Variants in DPP10 observed in about 807,000 individuals in gnomAD.
DPP10 encodes the protein inactive dipeptidyl peptidase 10.
In DPP10, 33 loss-of-function variants were observed where a neutral mutation model predicts 120.9. The ratio of observed to expected loss-of-function variants is 0.27; its 90% CI spans 0.21 to 0.37. The LOEUF is 0.37. DPP10 is among the 10% of genes least tolerant of loss of function. The probability of loss-of-function intolerance (pLI) is 1.00; values close to 1 mark genes in which losing one functional copy is unlikely to be tolerated. For synonymous variants in DPP10, 337 were observed against 326.1 expected, an observed-to-expected ratio of 1.03 and a Z score of -0.36; for missense variants, 816 against 942.8, an observed-to-expected ratio of 0.87 and a Z score of 1.76.
chr2:115,222,435 G>A (rs1040433141), intron 1 of DPP10, among the ~76,000 whole-genome samples: 1 of 152,026 alleles, frequency 6.6e-6, no homozygotes, highest in Non-Finnish European at 1.5e-5. Flanking sequence ...CTGCTTTCCT[G>A]ATAATACATA....
intron 3 of DPP10, among the ~76,000 whole-genome samples, chr2:115,381,837 TG>T (rs961229546): frequency 1.3e-5 from 2 of 151,688 alleles, no homozygotes; most frequent in Non-Finnish European, 2.9e-5. Flanking sequence ...CTGCCCCTGC[TG>T]GGGGGTGCCT....
At chr2:115,633,967 G>T (rs1049839657) in intron 5 of DPP10, among the ~76,000 whole-genome samples, 1 of 152,018 alleles carries the variant, frequency 6.6e-6, no homozygotes, top group Non-Finnish European at 1.5e-5. Flanking sequence ...AGTTCTTGGA[G>T]GTTTTGTTCA....
chr2:114,742,092 T>C (rs1678120555), intron 1 of DPP10, among the ~76,000 whole-genome samples: 1 of 152,158 alleles, frequency 6.6e-6, no homozygotes, highest in African/African-American at 2.4e-5. Context: ...CTGAGAAAAT[T>C]TTAACATTTT....
At chr2:115,212,237 T>C (rs2056562670) in intron 1 of DPP10, among the ~76,000 whole-genome samples, 5 of 152,174 alleles carry the variant, frequency 3.3e-5, no homozygotes, top group Admixed American at 3.3e-4. Context: ...GAATCTGTTA[T>C]GTCATGACCC....
At chr2:114,993,572 G>C (rs1390101458) in intron 1 of DPP10, among the ~76,000 whole-genome samples, 1 of 49,452 alleles carries the variant, frequency 2.0e-5, no homozygotes, top group Non-Finnish European at 4.2e-5. Context: ...TTATGTGTGT[G>C]TGTGTGTGTA....
intron 2 of DPP10, among the ~76,000 whole-genome samples, chr2:115,326,332 G>A (rs2062362662): frequency 1.3e-5 from 2 of 151,982 alleles, no homozygotes; most frequent in South Asian, 2.1e-4. Context: ...GGTGTTTTTG[G>A]TGATGCTGGC....
chr2:115,641,507 A>G (rs958528867), intron 5 of DPP10, among the ~76,000 whole-genome samples: 4 of 151,706 alleles, frequency 2.6e-5, no homozygotes, highest in African/African-American at 9.7e-5. Flanking sequence ...AAACCAGCCT[A>G]CATAAATGAA....
chr2:115,288,834 A>AT (rs2060517225), intron 1 of DPP10, among the ~76,000 whole-genome samples: 1 of 152,288 alleles, frequency 6.6e-6, no homozygotes, highest in Admixed American at 6.5e-5. Flanking sequence ...CACAGCCAAT[A>AT]TAATACTGAA....
intron 5 of DPP10, among the ~76,000 whole-genome samples, chr2:115,594,003 C>G (rs947348967): frequency 1.3e-5 from 2 of 152,134 alleles, no homozygotes; most frequent in African/African-American, 4.8e-5. Context: ...TCTTGAAGTC[C>G]TCAAAAAACT....
intron 2 of DPP10, among the ~76,000 whole-genome samples, chr2:115,332,011 C>G: frequency 6.6e-6 from 1 of 152,142 alleles, no homozygotes; most frequent in East Asian, 1.9e-4. Flanking sequence ...ACCAGCTTCT[C>G]CTTGTACGTC....
intron 3 of DPP10, among the ~76,000 whole-genome samples, chr2:115,379,958 G>A (rs2066167855): frequency 6.6e-6 from 1 of 152,210 alleles, no homozygotes; most frequent in African/African-American, 2.4e-5. Flanking sequence ...TTGCTGTGGA[G>A]AGCTTTACTT....
intron 1 of DPP10, among the ~76,000 whole-genome samples, chr2:115,024,857 A>G (rs1226439334): frequency 1.3e-5 from 2 of 149,062 alleles, no homozygotes; most frequent in Admixed American, 6.7e-5. Flanking sequence ...ATCTATATAT[A>G]TATATATTTG....
intron 3 of DPP10, among the ~76,000 whole-genome samples, chr2:115,386,924 A>C (rs147243278): frequency 6.6e-6 from 1 of 152,044 alleles, no homozygotes; most frequent in Non-Finnish European, 1.5e-5. Context: ...AAACTGTAAG[A>C]ATATTAAAAT....
chr2:114,888,417 G>T (rs1309594501), intron 1 of DPP10, among the ~76,000 whole-genome samples: 7 of 151,990 alleles, frequency 4.6e-5, no homozygotes, highest in Non-Finnish European at 1.0e-4. Context: ...GACACAAAAT[G>T]ACAGTTCTCA....
At chr2:114,501,311 G>A (rs539077175) in intron 1 of DPP10, among the ~76,000 whole-genome samples, 1 of 152,272 alleles carries the variant, frequency 6.6e-6, no homozygotes, top group East Asian at 1.9e-4. Context: ...TGTCCAAGTA[G>A]CAATGGTGAG....
At chr2:115,755,986 A>G (rs2149764960) in intron 11 of DPP10, among the ~76,000 whole-genome samples, 1 of 152,124 alleles carries the variant, frequency 6.6e-6, no homozygotes, top group South Asian at 2.1e-4. Context: ...TATACAATGG[A>G]ATACTATTCA....
intron 3 of DPP10, among the ~76,000 whole-genome samples, chr2:115,460,917 C>T (rs991291522): frequency 3.9e-5 from 6 of 152,274 alleles, no homozygotes; most frequent in African/African-American, 1.4e-4. Flanking sequence ...AGGGCAGGAA[C>T]TTGTCTTTCA....
chr2:115,113,562 T>C (rs977420744), intron 1 of DPP10, among the ~76,000 whole-genome samples: 2 of 152,166 alleles, frequency 1.3e-5, no homozygotes, highest in South Asian at 2.1e-4. Context: ...AGATTGAGTA[T>C]GCATTAAATC....
chr2:115,604,231 T>C (rs2083551475), intron 5 of DPP10, among the ~76,000 whole-genome samples: 2 of 152,120 alleles, frequency 1.3e-5, no homozygotes, highest in African/African-American at 4.8e-5. Flanking sequence ...ATTCTTAGGG[T>C]TGTCCTCCTG....
Sources: allele counts gnomAD v4.1 joint callset (sites outside exome capture counted in the v4.1 genomes callset), GRCh38; gene constraint gnomAD v4.1.1; transcripts MANE v1.5; gene names NCBI Gene and HGNC (gene_info 2026-07-23, HGNC 2026-07-21).